LMO7: variants seen among roughly 807,000 people sequenced by gnomAD.
LMO7 encodes LIM domain only protein 7.
LMO7 carries 120 observed loss-of-function variants against 206.5 expected under a neutral mutation model. The ratio of observed to expected loss-of-function variants is 0.58; its 90% CI spans 0.50 to 0.68. The LOEUF (loss-of-function observed/expected upper bound fraction) is 0.68. Ranked by LOEUF, LMO7 falls within the 30% of genes least tolerant of loss-of-function variation. The pLI, the probability that LMO7 is intolerant of heterozygous loss-of-function variation, is 0.00. For missense variants in LMO7, 1,959 were observed against 1,957.9 expected (o/e 1.00, Z -0.01); for synonymous variants, 706 against 681.5 (o/e 1.04, Z -0.56).
intron 1 of LMO7, among the ~76,000 whole-genome samples, chr13:75,641,195 T>C (rs2139008854): frequency 6.6e-6 from 1 of 152,232 alleles, no homozygotes; most frequent in Non-Finnish European, 1.5e-5. Context: ...GTCCACCTGG[T>C]CAGTCAGGGC....
chr13:75,644,979 A>G (rs1470791298), intron 1 of LMO7, among the ~76,000 whole-genome samples: 1 of 152,218 alleles, frequency 6.6e-6, no homozygotes. Flanking sequence ...ATATATTTGA[A>G]TGTATGTTAG....
chr13:75,786,406 G>A lies in LMO7; in HGVS notation c.318-8995G>A, dbSNP rs1257117079. 1.1e-4 allele frequency among the ~76,000 whole-genome samples: 16 copies of A among 145,500 alleles called. 1 individual carries two copies. The highest frequency in any genetic ancestry group is 1.1e-3 in the South Asian group (5 of 4,596). ...TTTTTTTTTTTTGAGATGGAGTCTC[G>A]CTCTGTTGCTCAGGCTGGAGTGCAG... On this transcript the variant is annotated intron_variant, in intron 4 of 30. Transcript: ENST00000377534.
intron 2 of LMO7, chr13:75,626,900 T>G (rs1289132799): frequency 1.3e-5 from 2 of 152,014 alleles, no homozygotes; most frequent in Non-Finnish European, 1.5e-5. Flanking sequence ...TATTTTTAAG[T>G]GTACGATACA....
intron 9 of LMO7, chr13:75,806,222 A>G: frequency 2.0e-6 from 2 of 992,328 alleles, no homozygotes; most frequent in South Asian, 4.6e-5. Flanking sequence ...CCGGACTCCC[A>G]TGCAGCCAGG....
intron 8 of LMO7, chr13:75,805,096 C>T (rs529648134): frequency 2.8e-5 from 29 of 1,018,854 alleles, no homozygotes; most frequent in East Asian, 1.8e-4. Context: ...AATTCTTGTC[C>T]GCAAATATTT....
chr13:75,654,849 A>G (rs538290660), intron 1 of LMO7, among the ~76,000 whole-genome samples: 1 of 149,862 alleles, frequency 6.7e-6, no homozygotes, highest in African/African-American at 2.4e-5. Context: ...TTTACACAAT[A>G]CAACTACTTT....
intron 2 of LMO7, 103 bp from the exon 3 acceptor site, chr13:75,726,926 A>C: frequency 2.8e-6 from 2 of 710,560 alleles, no homozygotes; most frequent in Non-Finnish European, 5.2e-6. Context: ...TCTGTATAAC[A>C]CATTGAGGGG....
intron 4 of LMO7, among the ~76,000 whole-genome samples, chr13:75,769,082 T>A (rs965750650): frequency 3.9e-5 from 6 of 152,162 alleles, no homozygotes; most frequent in Non-Finnish European, 8.8e-5. Flanking sequence ...TAATATTATG[T>A]CAAAATGCAT....
chr13:75,730,503 T>C (rs1018558740), intron 3 of LMO7, among the ~76,000 whole-genome samples: 1 of 152,152 alleles, frequency 6.6e-6, no homozygotes, highest in African/African-American at 2.4e-5. Flanking sequence ...GTTGCGTCTA[T>C]TTGATTCTTC....
chr13:75,698,237 A>G (rs553546987), intron 1 of LMO7, among the ~76,000 whole-genome samples: 67 of 152,144 alleles, frequency 4.4e-4, no homozygotes, highest in Non-Finnish European at 8.8e-4. Flanking sequence ...TGGGGTAGAA[A>G]TTCCACTTTG....
chr13:75,697,138 A>G (rs974766929), intron 1 of LMO7, among the ~76,000 whole-genome samples: 1 of 152,142 alleles, frequency 6.6e-6, no homozygotes. Flanking sequence ...GAGAAGGTGG[A>G]AGCAGAGAGA....
rs1055442120 is a variant in LMO7 at position 75,761,041 on chromosome 13, A to G, written c.317+3A>G. ...TTATCAAATCGAGTCACTGTCAAGT[A>G]AGTTTCAACAGTTTGTTAGATATAT... On this transcript the variant is annotated splice_donor_region_variant and intron_variant, in intron 4 of 30. Coordinates refer to ENST00000377534, the MANE Select transcript of LMO7 (RefSeq NM_001306080.2). The G allele has an allele frequency of 5.1e-6, 8 of 1,575,908 alleles. No homozygotes were observed. In the African/African-American group the frequency reaches 8.4e-5, roughly 17 times the overall value.
chr13:75,728,223 A>G (rs1453366005), intron 3 of LMO7, among the ~76,000 whole-genome samples: 1 of 152,210 alleles, frequency 6.6e-6, no homozygotes. Flanking sequence ...TGGATGAACT[A>G]GTTTACAGTC....
At chr13:75,740,736 T>C (rs1045788120) in intron 3 of LMO7, among the ~76,000 whole-genome samples, 4 of 152,306 alleles carry the variant, frequency 2.6e-5, no homozygotes, top group Admixed American at 1.3e-4. Flanking sequence ...GCATTGGTAC[T>C]GGGCTGATTC....
chr13:75,858,037 C>A lies in LMO7; in HGVS notation c.*94C>A. ...AAATATGTGTTGTATGTCTTTTTTG[C>A]TTTTTTTTTAAAAAAAAGAATAACT... On this transcript the variant is annotated 3_prime_UTR_variant, in exon 31 of 31. Coordinates refer to ENST00000377534, the MANE Select transcript of LMO7 (RefSeq NM_001306080.2). 2.1e-6 allele frequency: 3 copies of A among 1,438,274 alleles called. No homozygotes were observed. Among genetic ancestry groups the A allele is most frequent in the South Asian group, 1.3e-5 (1 of 76,424 alleles). 89.1% of individuals were successfully genotyped at this position (1,438,274 alleles called of 1,614,324 possible). A position where few individuals can be genotyped will look rare whatever the true frequency, so the allele number is the denominator to read the frequency against.
chr13:75,775,050 T>C (rs1290718919), intron 4 of LMO7, among the ~76,000 whole-genome samples: 1 of 152,156 alleles, frequency 6.6e-6, no homozygotes, highest in Non-Finnish European at 1.5e-5. Context: ...ATTTTAAGTA[T>C]GTTTTTAGAA....
intron 4 of LMO7, among the ~76,000 whole-genome samples, chr13:75,791,817 C>G (rs1035732641): frequency 3.0e-4 from 45 of 152,086 alleles, no homozygotes; most frequent in African/African-American, 9.2e-4. Flanking sequence ...AGTTGTTGTT[C>G]TTTGATCATA....
At chr13:75,708,542 G>C (rs894373613) in intron 1 of LMO7, among the ~76,000 whole-genome samples, 1 of 152,172 alleles carries the variant, frequency 6.6e-6, no homozygotes, top group South Asian at 2.1e-4. Context: ...ATCTGCGTTG[G>C]ATGTTTCTGG....
intron 2 of LMO7, among the ~76,000 whole-genome samples, chr13:75,625,426 CATGTGT>C (rs1356725473): frequency 1.9e-4 from 2 of 10,284 alleles, no homozygotes; most frequent in Non-Finnish European, 4.3e-4. Flanking sequence ...AGTGTGTGTG[CATGTGT>C]GTGTGTGTGT....
Sources: allele counts gnomAD v4.1 joint callset (sites outside exome capture counted in the v4.1 genomes callset), GRCh38; gene constraint gnomAD v4.1.1; transcripts MANE v1.5; gene names NCBI Gene and HGNC (gene_info 2026-07-23, HGNC 2026-07-21).